The following CHST11 variants were observed in gnomAD, a reference collection of about 807,000 sequenced individuals.
CHST11 encodes C4S-1.
A neutral mutation model predicts 30.4 loss-of-function variants in CHST11; 9 were observed. The ratio of observed to expected loss-of-function variants is 0.30; its 90% confidence interval spans 0.18 to 0.52. CHST11 has a LOEUF of 0.52. Ranked by LOEUF, CHST11 falls within the 20% of genes least tolerant of loss-of-function variation. The probability of loss-of-function intolerance (pLI) is 0.97; values close to 1 mark genes in which losing one functional copy is unlikely to be tolerated. For synonymous variants in CHST11, 152 were observed against 187.8 expected (o/e 0.81, Z 1.56); for missense variants, 348 against 460.6 (o/e 0.76, Z 2.24).
At chr12:104,748,896 G>T (rs369063841) in intron 2 of CHST11, among the ~76,000 whole-genome samples, 1 of 152,154 alleles carries the variant, frequency 6.6e-6, no homozygotes, top group African/African-American at 2.4e-5. Flanking sequence ...AGGTAATAAC[G>T]TTCATGTAGG....
intron 2 of CHST11, among the ~76,000 whole-genome samples, chr12:104,707,324 G>T (rs1281173141): frequency 2.0e-5 from 3 of 152,208 alleles, no homozygotes; most frequent in Non-Finnish European, 4.4e-5. Flanking sequence ...GTTTTTCAAA[G>T]TGTAGTTCAT....
At chr12:104,559,599 C>T (rs963347365) in intron 1 of CHST11, among the ~76,000 whole-genome samples, 6 of 152,128 alleles carry the variant, frequency 3.9e-5, no homozygotes, top group East Asian at 3.9e-4. Context: ...AAAAATTAGC[C>T]GGGCATGGTG....
At chr12:104,522,902 A>G (rs989090133) in intron 1 of CHST11, among the ~76,000 whole-genome samples, 2 of 152,128 alleles carry the variant, frequency 1.3e-5, no homozygotes, top group Non-Finnish European at 1.5e-5. Context: ...AAATGGTGGT[A>G]TGGTATAGAG....
At chr12:104,574,424 G>A (rs1024342969) in intron 1 of CHST11, among the ~76,000 whole-genome samples, 2 of 152,210 alleles carry the variant, frequency 1.3e-5, no homozygotes, top group African/African-American at 4.8e-5. Context: ...GTTAATTGTG[G>A]CACTATTCGC....
chr12:104,511,066 G>A (rs2037961102), intron 1 of CHST11, among the ~76,000 whole-genome samples: 1 of 152,182 alleles, frequency 6.6e-6, no homozygotes, highest in South Asian at 2.1e-4. Flanking sequence ...TCTAGACTTT[G>A]TGTGTGGAGG....
intron 1 of CHST11, among the ~76,000 whole-genome samples, chr12:104,532,546 C>A (rs1369510294): frequency 6.6e-6 from 1 of 151,992 alleles, no homozygotes; most frequent in Non-Finnish European, 1.5e-5. Context: ...CCAGGCATGC[C>A]ATCCTCCCAC....
chr12:104,526,342 A>G (rs893558249), intron 1 of CHST11, among the ~76,000 whole-genome samples: 5 of 152,216 alleles, frequency 3.3e-5, no homozygotes, highest in Non-Finnish European at 5.9e-5. Context: ...TAAGGAGCCC[A>G]GTTGGCCTCT....
At chr12:104,726,595 C>G (rs963578514) in intron 2 of CHST11, among the ~76,000 whole-genome samples, 1 of 152,076 alleles carries the variant, frequency 6.6e-6, no homozygotes, top group Non-Finnish European at 1.5e-5. Context: ...CTCCTCTCCC[C>G]CAAGACAGAG....
chr12:104,475,688 A>ATATATATATATATATATATATTTATT (rs1555226434), intron 1 of CHST11, among the ~76,000 whole-genome samples: 28 of 78,444 alleles, frequency 3.6e-4, no homozygotes, highest in Non-Finnish European at 7.2e-4. Flanking sequence ...ATATATATAT[A>ATATATATATATATATATATATTTATT]TATTTCTGAT....
At chr12:104,603,269 C>T (rs1203483850) in intron 2 of CHST11, among the ~76,000 whole-genome samples, 1 of 152,224 alleles carries the variant, frequency 6.6e-6, no homozygotes, top group Non-Finnish European at 1.5e-5. Flanking sequence ...GTGTCAAAAA[C>T]AACACAGGCT....
intron 2 of CHST11, among the ~76,000 whole-genome samples, chr12:104,756,276 A>G (rs1186732097): frequency 6.6e-6 from 1 of 152,204 alleles, no homozygotes; most frequent in Non-Finnish European, 1.5e-5. Context: ...CAGAGCAGGC[A>G]GAGTGCCCTC....
In CHST11 at chr12:104,729,170, T is replaced by C. The variant is rs2040237488; in HGVS notation, c.205-27779T>C. On this transcript the variant is annotated intron_variant, in intron 2 of 2. Transcript: ENST00000303694. The surrounding 1 kb of genome is among the most constrained non-coding windows in gnomAD (Gnocchi z 4.0). ...GACAGAAAAAACACAGAGGCCAAGATGAGCTGACAGAAGCAGACACATGGC... is the reference window on the plus strand; with the variant it reads ...GACAGAAAAAACACAGAGGCCAAGACGAGCTGACAGAAGCAGACACATGGC... Among the ~76,000 whole-genome samples the C allele has an allele frequency of 6.6e-6, 1 of 152,096 alleles. No homozygotes were observed. The highest frequency in any genetic ancestry group is 6.5e-5 in the Admixed American group (1 of 15,268).
chr12:104,663,683 C>CATT (rs2039617722), intron 2 of CHST11, among the ~76,000 whole-genome samples: 2 of 152,156 alleles, frequency 1.3e-5, no homozygotes, highest in African/African-American at 4.8e-5. Flanking sequence ...GAATGGTTTG[C>CATT]CCAAGTGCAT....
intron 1 of CHST11, among the ~76,000 whole-genome samples, chr12:104,532,042 A>G (rs2038190584): frequency 6.6e-6 from 1 of 152,174 alleles, no homozygotes; most frequent in Non-Finnish European, 1.5e-5. Context: ...TGCACTCCAA[A>G]ACTGGTGCTC....
chr12:104,547,345 C>A lies in CHST11; in HGVS notation c.119-54561C>A, dbSNP rs534729111. ...AATTAGAACAGGAAGGAGCCAAACA[C>A]AGGCCTGCTGGCGCCAGGAGCCGCA... On this transcript the variant is annotated intron_variant, in intron 1 of 2. Coordinates refer to ENST00000303694, the MANE Select transcript of CHST11 (RefSeq NM_018413.6). Among the ~76,000 whole-genome samples the A allele has an allele frequency of 6.6e-5, 10 of 152,298 alleles. No homozygotes were observed. The South Asian group carries it at 2.1e-3, about 32-fold the overall frequency.
At chr12:104,614,928 G>A (rs547319516) in intron 2 of CHST11, among the ~76,000 whole-genome samples, 15 of 152,258 alleles carry the variant, frequency 9.9e-5, no homozygotes, top group African/African-American at 3.4e-4. Flanking sequence ...CCCTCTTCTT[G>A]GATAGAGAGG....
intron 2 of CHST11, among the ~76,000 whole-genome samples, chr12:104,662,363 A>G (rs2039605490): frequency 1.3e-5 from 2 of 152,214 alleles, no homozygotes; most frequent in Admixed American, 1.3e-4. Flanking sequence ...GTGAGGCTTG[A>G]ATCATCAAAT....
At chr12:104,584,895 AT>A (rs2038786878) in intron 1 of CHST11, among the ~76,000 whole-genome samples, 1 of 152,210 alleles carries the variant, frequency 6.6e-6, no homozygotes, top group African/African-American at 2.4e-5. Flanking sequence ...CAAGAGGGAA[AT>A]TGCTGGATTT....
At chr12:104,579,242 T>A (rs2038715138) in intron 1 of CHST11, among the ~76,000 whole-genome samples, 1 of 152,194 alleles carries the variant, frequency 6.6e-6, no homozygotes, top group African/African-American at 2.4e-5. Flanking sequence ...GCTCTTTCTT[T>A]TTAGCCTTCA....
Sources: gnomAD v4.1 joint callset for allele counts (sites outside exome capture counted in the v4.1 genomes callset) on GRCh38, gnomAD v4.1.1 for gene constraint, Gnocchi (gnomAD v3.1) non-coding constraint, MANE v1.5 for transcripts, NCBI Gene and HGNC (gene_info 2026-07-23, HGNC 2026-07-21) for gene names.